The following DNAL1 variants were observed in gnomAD, a reference collection of about 807,000 sequenced individuals.
The protein encoded by DNAL1 is dynein axonemal light chain 1.
In DNAL1, 17 loss-of-function variants were observed where a neutral mutation model predicts 29.4. The ratio of observed to expected loss-of-function variants is 0.58; its 90% CI spans 0.40 to 0.87. The LOEUF (loss-of-function observed/expected upper bound fraction) is 0.87, where lower values mean the gene tolerates loss of function less well. Ranked by LOEUF, DNAL1 falls within the 40% of genes least tolerant of loss-of-function variation. The probability of loss-of-function intolerance (pLI) is 0.00; values close to 1 mark genes in which losing one functional copy is unlikely to be tolerated. For synonymous variants in DNAL1, 78 were observed against 76.3 expected (o/e 1.02, Z -0.12); for missense variants, 188 against 214.1 (o/e 0.88, Z 0.76).
intron 3 of DNAL1, among the ~76,000 whole-genome samples, chr14:73,659,352 T>C (rs190010170): frequency 2.6e-4 from 39 of 151,254 alleles, no homozygotes; most frequent in Non-Finnish European, 4.4e-5. Flanking sequence ...TTAGTAGAGA[T>C]AGGGTTTCAC....
chr14:73,653,319 C>T (rs946432532), intron 1 of DNAL1: 5 of 152,178 alleles, frequency 3.3e-5, no homozygotes, highest in Admixed American at 3.3e-4. Context: ...CTTTAGTAAG[C>T]AGATGGCTGT....
At chr14:73,680,854 C>T (rs1022493488) in intron 5 of DNAL1, among the ~76,000 whole-genome samples, 3 of 152,154 alleles carry the variant, frequency 2.0e-5, no homozygotes, top group Non-Finnish European at 4.4e-5. Context: ...CAAACCTGCT[C>T]AGCATATCAC....
At chr14:73,666,360 A>G (rs1201677670) in intron 4 of DNAL1, among the ~76,000 whole-genome samples, 2 of 152,200 alleles carry the variant, frequency 1.3e-5, no homozygotes, top group African/African-American at 4.8e-5. Context: ...TATAATATGA[A>G]TAATAATCTT....
chr14:73,670,387 C>A (rs917634511), intron 4 of DNAL1, among the ~76,000 whole-genome samples: 3 of 151,972 alleles, frequency 2.0e-5, no homozygotes, highest in African/African-American at 7.3e-5. Flanking sequence ...TGGCTAGTGA[C>A]CACCATATTA....
chr14:73,654,776 A>G (rs1891173864), intron 1 of DNAL1, 71 bp from the exon 2 acceptor site: 3 of 1,347,118 alleles, frequency 2.2e-6, no homozygotes, highest in Non-Finnish European at 9.9e-7. Context: ...ATACATACAT[A>G]CATACATACA....
intron 1 of DNAL1, among the ~76,000 whole-genome samples, chr14:73,652,696 T>G (rs1002327096): frequency 2.0e-5 from 3 of 152,188 alleles, no homozygotes; most frequent in Admixed American, 6.5e-5. Context: ...TTCATTGACT[T>G]TTTCCTTTGT....
rs753310726 is a variant in DNAL1 at position 73,699,823 on chromosome 14, A to C, written c.*3881A>C. The stretch of plus-strand genomic sequence containing the variant: ...GTTTAATATTTTGAGTGTACTTTAG[A>C]AAATAGGTCATCATTCTTTAAGCGT... On this transcript the variant is annotated 3_prime_UTR_variant, in exon 8 of 8. Transcript: ENST00000553645. The C allele has an allele frequency of 1.3e-5, 2 of 152,224 alleles. No homozygotes were observed. The highest frequency in any genetic ancestry group is 2.9e-5 in the Non-Finnish European group (2 of 68,042). 9.4% of individuals were successfully genotyped at this position (152,224 alleles called of 1,614,324 possible).
chr14:73,689,533 G>T lies in DNAL1; in HGVS notation c.532+18G>T. On this transcript the variant is annotated intron_variant, in intron 7 of 7. Coordinates refer to ENST00000553645, the MANE Select transcript of DNAL1 (RefSeq NM_031427.4). Reference sequence around the variant, plus strand: ...GCTGGATGGTGAGTGATTCTGAGCTGGCTTAGACATATCTTCTAGGCATAA... The same window carrying T: ...GCTGGATGGTGAGTGATTCTGAGCTTGCTTAGACATATCTTCTAGGCATAA... 1 of 1,584,548 alleles carries T rather than the reference G, an allele frequency of 6.3e-7. No individual in the cohort carries two copies. The highest frequency in any genetic ancestry group is 8.6e-7 in the Non-Finnish European group (1 of 1,164,958).
intron 4 of DNAL1, among the ~76,000 whole-genome samples, chr14:73,663,763 G>A (rs771315215): frequency 4.6e-5 from 7 of 152,146 alleles, no homozygotes; most frequent in Non-Finnish European, 8.8e-5. Flanking sequence ...AAAGTTTAAT[G>A]AGTGAAAAAA....
At chr14:73,658,526 T>C (rs937418692) in intron 2 of DNAL1, among the ~76,000 whole-genome samples, 2 of 152,212 alleles carry the variant, frequency 1.3e-5, no homozygotes, top group African/African-American at 4.8e-5. Context: ...ATTGTTCTGA[T>C]CCATGAATAT....
intron 5 of DNAL1, among the ~76,000 whole-genome samples, chr14:73,677,684 G>A (rs1891769894): frequency 6.7e-6 from 1 of 150,266 alleles, no homozygotes; most frequent in South Asian, 2.1e-4. Context: ...AGCCTCCTGA[G>A]TAGCTGGGAC....
At position 73,687,281 on chromosome 14, in the gene DNAL1, A is replaced by G. The variant is rs765461745; in HGVS notation, c.287A>G (p.Glu96Gly). ...NGLEAVGDTL[E>G]ELWISYNFIE... ...CAGGAGGCAGTAGGGGACACATTAG[A>G]AGAACTGTGGATCTCCTACAATTTT... Residue 96 changes from glutamate (E) to glycine (G), a missense_variant, in exon 6 of 8, where the codon GAA becomes GGA. Glu to Gly is a moderately conservative substitution (Grantham distance 98). Transcript: ENST00000553645. 6.2e-7 allele frequency: 1 copy of G among 1,612,998 alleles called. No individual in the cohort carries two copies. The highest frequency in any genetic ancestry group is 8.5e-7 in the Non-Finnish European group (1 of 1,179,708).
At chr14:73,666,172 G>T (rs1459354768) in intron 4 of DNAL1, among the ~76,000 whole-genome samples, 5 of 152,216 alleles carry the variant, frequency 3.3e-5, no homozygotes, top group Non-Finnish European at 7.4e-5. Flanking sequence ...CTCCTTTCAT[G>T]ACACTATAGT....
At chr14:73,670,950 A>G (rs902802117) in intron 4 of DNAL1, among the ~76,000 whole-genome samples, 1 of 151,722 alleles carries the variant, frequency 6.6e-6, no homozygotes, top group African/African-American at 2.4e-5. Context: ...GTTAGCCAGG[A>G]TGGTCTCGAT....
intron 4 of DNAL1, among the ~76,000 whole-genome samples, chr14:73,664,271 C>T (rs941691305): frequency 6.6e-6 from 1 of 152,158 alleles, no homozygotes; most frequent in African/African-American, 2.4e-5. Context: ...CCTCAATAGC[C>T]TCCTAATTGA....
Position 73,702,747 on chromosome 14 carries a change from C to T in DNAL1, c.*6805C>T, listed in dbSNP as rs1892467564. 1 of 152,162 alleles carries T rather than the reference C, an allele frequency of 6.6e-6. No individual in the cohort carries two copies. 9.4% of individuals were successfully genotyped at this position (152,162 alleles called of 1,614,324 possible). The stretch of plus-strand genomic sequence containing the variant: ...CTATCAGCTAAAACGTAATTTTGGT[C>T]ACAAAATAGGGCTGTAGTGTAGTTT... On this transcript the variant is annotated 3_prime_UTR_variant, in exon 8 of 8. Transcript: ENST00000553645.
intron 6 of DNAL1, among the ~76,000 whole-genome samples, chr14:73,689,040 T>G (rs1006815377): frequency 7.0e-6 from 1 of 143,420 alleles, no homozygotes; most frequent in Non-Finnish European, 1.5e-5. Flanking sequence ...TTTTTTTTTT[T>G]TTTTTTTTTT....
At chr14:73,671,075 TA>T (rs2140042060) in intron 4 of DNAL1, among the ~76,000 whole-genome samples, 1 of 152,306 alleles carries the variant, frequency 6.6e-6, no homozygotes, top group South Asian at 2.1e-4. Context: ...TCTAATTATT[TA>T]AAAACTTGAA....
At chr14:73,689,037 T>G (rs890940957) in intron 6 of DNAL1, among the ~76,000 whole-genome samples, 1 of 141,636 alleles carries the variant, frequency 7.1e-6, no homozygotes, top group South Asian at 2.4e-4. Flanking sequence ...TTTTTTTTTT[T>G]TTTTTTTTTT....
Sources: allele counts gnomAD v4.1 joint callset (sites outside exome capture counted in the v4.1 genomes callset), GRCh38; gene constraint gnomAD v4.1.1; transcripts MANE v1.5; gene names NCBI Gene and HGNC (gene_info 2026-07-23, HGNC 2026-07-21).